Variants in PTPRD observed in about 807,000 individuals in gnomAD.
The protein encoded by PTPRD is receptor-type tyrosine-protein phosphatase delta.
Under a neutral mutation model 214.5 loss-of-function variants are expected in PTPRD, and 34 were observed. The observed-to-expected ratio is 0.16, with a 90% CI of 0.12 to 0.21. The LOEUF (loss-of-function observed/expected upper bound fraction) is 0.21, where lower values mean the gene tolerates loss of function less well. Ranked by LOEUF, PTPRD falls within the 10% of genes least tolerant of loss-of-function variation. The pLI is 1.00. For missense variants in PTPRD, 2,545 were observed against 2,398.7 expected (o/e 1.06, Z -1.27); for synonymous variants, 1,128 against 845.7 (o/e 1.33, Z -5.79).
intron 11 of PTPRD, among the ~76,000 whole-genome samples, chr9:8,922,376 C>CATG (rs2098833730): frequency 1.3e-5 from 2 of 152,218 alleles, no homozygotes; most frequent in South Asian, 4.1e-4. Context: ...AATATCTACA[C>CATG]ATGCACATAT....
At chr9:10,024,340 T>G (rs942085681) in intron 4 of PTPRD, among the ~76,000 whole-genome samples, 6 of 152,116 alleles carry the variant, frequency 3.9e-5, no homozygotes, top group African/African-American at 1.4e-4. Flanking sequence ...GAATTTTTAT[T>G]TGTTGTTTAT....
chr9:10,445,972 G>A (rs988544471), intron 2 of PTPRD, among the ~76,000 whole-genome samples: 1 of 152,028 alleles, frequency 6.6e-6, no homozygotes, highest in African/African-American at 2.4e-5. Flanking sequence ...CAAAATGTGT[G>A]TATTCAGAAG....
Position 10,521,564 on chromosome 9 carries a change from G to A in PTPRD, c.-600+90834C>T, listed in dbSNP as rs78176671. 9.4e-3 allele frequency among the ~76,000 whole-genome samples: 1,424 copies of A among 152,278 alleles called. 36 individuals are homozygous for A. Among genetic ancestry groups the A allele is most frequent in the African/African-American group, 0.032 (1,345 of 41,574 alleles). On this transcript the variant is annotated intron_variant, in intron 2 of 45. Transcript: ENST00000381196. ...CTACTATAGTCAAAGTGCCATCAGA[G>A]AGCATTGCATGCTGCAGAGAAATCC...
At chr9:8,574,052 T>C (rs1402757711) in intron 14 of PTPRD, among the ~76,000 whole-genome samples, 2 of 151,910 alleles carry the variant, frequency 1.3e-5, no homozygotes, top group East Asian at 1.9e-4. Flanking sequence ...TACAAAACCA[T>C]TTATATCATA....
intron 8 of PTPRD, among the ~76,000 whole-genome samples, chr9:9,439,592 G>T (rs548480441): frequency 9.2e-5 from 14 of 152,212 alleles, no homozygotes; most frequent in African/African-American, 3.4e-4. Context: ...TCAGCCCCCA[G>T]ATTAGAGGTG....
At chr9:8,486,803 C>G (rs965758103) in intron 27 of PTPRD, among the ~76,000 whole-genome samples, 3 of 152,156 alleles carry the variant, frequency 2.0e-5, no homozygotes, top group Non-Finnish European at 4.4e-5. Context: ...GTTTACATTC[C>G]TGACTCCTCA....
intron 3 of PTPRD, among the ~76,000 whole-genome samples, chr9:10,156,853 C>T (rs1055034659): frequency 2.0e-5 from 3 of 152,134 alleles, no homozygotes; most frequent in South Asian, 2.1e-4. Flanking sequence ...ATAGTTAGGT[C>T]TTCTCTTGAA....
chr9:10,352,550 A>C (rs995502610), intron 2 of PTPRD, among the ~76,000 whole-genome samples: 1 of 152,088 alleles, frequency 6.6e-6, no homozygotes, highest in Admixed American at 6.5e-5. Context: ...ATGTAAGGTC[A>C]AAGTAATGAA....
intron 11 of PTPRD, among the ~76,000 whole-genome samples, chr9:8,954,818 T>C (rs765061412): frequency 7.6e-4 from 115 of 151,910 alleles, no homozygotes; most frequent in Non-Finnish European, 1.4e-3. Flanking sequence ...ATGTAAAGAT[T>C]GCATTGAAGA....
intron 5 of PTPRD, among the ~76,000 whole-genome samples, chr9:9,825,408 G>C (rs3122700): frequency 7.7e-5 from 8 of 103,686 alleles, no homozygotes; most frequent in African/African-American, 2.8e-4. Flanking sequence ...GAGAGAGAAA[G>C]AGAGAGAGAA....
intron 11 of PTPRD, among the ~76,000 whole-genome samples, chr9:8,802,597 T>C (rs2096593913): frequency 6.6e-6 from 1 of 152,216 alleles, no homozygotes; most frequent in African/African-American, 2.4e-5. Context: ...AAAGTGGTAA[T>C]ATTTCCAATT....
At chr9:10,100,079 G>A (rs551222379) in intron 3 of PTPRD, among the ~76,000 whole-genome samples, 5 of 151,622 alleles carry the variant, frequency 3.3e-5, no homozygotes, top group Non-Finnish European at 7.4e-5. Context: ...ATTATTAACT[G>A]TTCTTCCATA....
chr9:9,461,296 T>A (rs7023328), intron 8 of PTPRD, among the ~76,000 whole-genome samples: 1 of 152,034 alleles, frequency 6.6e-6, no homozygotes, highest in African/African-American at 2.4e-5. Flanking sequence ...CCATGTAACA[T>A]ACCTGCACAG....
intron 5 of PTPRD, chr9:9,803,929 A>G (rs1039201138): frequency 6.6e-6 from 1 of 152,018 alleles, no homozygotes; most frequent in Non-Finnish European, 1.5e-5. Flanking sequence ...GTGTTTCACT[A>G]TCTCACTAGA....
At chr9:9,736,251 C>G (rs1207753502) in intron 6 of PTPRD, among the ~76,000 whole-genome samples, 1 of 152,054 alleles carries the variant, frequency 6.6e-6, no homozygotes, top group African/African-American at 2.4e-5. Context: ...ATGGTTCTAA[C>G]TTAAGTTTTA....
At chr9:9,737,771 T>C (rs904147740) in intron 6 of PTPRD, among the ~76,000 whole-genome samples, 2 of 152,222 alleles carry the variant, frequency 1.3e-5, no homozygotes, top group South Asian at 4.1e-4. Context: ...TTTTTTGCTA[T>C]TATGAATAAC....
chr9:9,813,801 A>T (rs1269668405), intron 5 of PTPRD, among the ~76,000 whole-genome samples: 1 of 152,134 alleles, frequency 6.6e-6, no homozygotes, highest in Non-Finnish European at 1.5e-5. Flanking sequence ...CCAGATAAAG[A>T]TGCGAAAAGA....
At chr9:9,258,717 G>C (rs1014303094) in intron 9 of PTPRD, among the ~76,000 whole-genome samples, 5 of 151,830 alleles carry the variant, frequency 3.3e-5, no homozygotes, top group Non-Finnish European at 7.4e-5. Context: ...TTTTAGTAGA[G>C]GGTTTACATT....
chr9:10,488,168 C>A (rs542017241), intron 2 of PTPRD, among the ~76,000 whole-genome samples: 57 of 151,920 alleles, frequency 3.8e-4, no homozygotes, highest in Non-Finnish European at 7.7e-4. Flanking sequence ...GAGATCGAGA[C>A]CATCCTGGCT....
Sources: gnomAD v4.1 joint callset for allele counts (sites outside exome capture counted in the v4.1 genomes callset) on GRCh38, gnomAD v4.1.1 for gene constraint, MANE v1.5 for transcripts, NCBI Gene and HGNC (gene_info 2026-07-23, HGNC 2026-07-21) for gene names.